HCRTR2: variants seen among roughly 807,000 people sequenced by gnomAD.
The protein encoded by HCRTR2 is hypocretin receptor 2.
HCRTR2 carries 22 observed loss-of-function variants against 49.0 expected under a neutral mutation model. The ratio of observed to expected loss-of-function variants is 0.45; its 90% CI spans 0.32 to 0.64. The LOEUF (loss-of-function observed/expected upper bound fraction) is 0.64, where lower values mean the gene tolerates loss of function less well. Ranked by LOEUF, HCRTR2 falls within the 30% of genes least tolerant of loss-of-function variation. HCRTR2 has a pLI of 0.04. For missense variants in HCRTR2, 491 were observed against 559.4 expected (o/e 0.88, Z 1.23); for synonymous variants, 236 against 205.3 (o/e 1.15, Z -1.28).
intron 1 of HCRTR2, among the ~76,000 whole-genome samples, chr6:55,113,426 T>G (rs1764076858): frequency 6.6e-6 from 1 of 151,544 alleles, no homozygotes. Context: ...CTCAAACAAA[T>G]CTGCAAGAAG....
chr6:55,269,520 G>T (rs1196528547), intron 4 of HCRTR2, among the ~76,000 whole-genome samples: 2 of 151,940 alleles, frequency 1.3e-5, no homozygotes, highest in African/African-American at 4.8e-5. Flanking sequence ...TAGTTTTCAG[G>T]ATGAAAGATT....
chr6:55,189,954 G>A (rs3134689), intron 1 of HCRTR2, among the ~76,000 whole-genome samples: 112,036 of 152,056 alleles, frequency 0.74, 41,659 homozygotes, highest in Non-Finnish European at 0.79. Flanking sequence ...GAGTACCCAC[G>A]TGCAGTTGTC....
At chr6:55,238,186 A>G (rs887066989) in intron 1 of HCRTR2, among the ~76,000 whole-genome samples, 1 of 152,140 alleles carries the variant, frequency 6.6e-6, no homozygotes, top group Non-Finnish European at 1.5e-5. Flanking sequence ...TTTATCCCCT[A>G]GCTCAGTGAG....
In HCRTR2 at chr6:55,255,242, G is replaced by C; in HGVS notation, c.509G>C (p.Arg170Pro). ...TTTAAGAGCACAGCAAAGCGGGCCC[G>C]TAACAGCATTGTCATCATCTGGATT... ...LMFKSTAKRA[R>P]NSIVIIWIVS... The change falls in exon 3 of 7, where the codon CGT becomes CCT. Residue 170 changes from arginine to proline, a missense_variant. Coordinates refer to ENST00000370862, the MANE Select transcript of HCRTR2 (RefSeq NM_001384272.1). The C allele has an allele frequency of 1.9e-6, 3 of 1,613,952 alleles. No individual in the cohort carries two copies. The highest frequency in any genetic ancestry group is 2.5e-6 in the Non-Finnish European group (3 of 1,179,956).
At chr6:55,119,270 T>G (rs577278584) in intron 1 of HCRTR2, among the ~76,000 whole-genome samples, 321 of 150,638 alleles carry the variant, frequency 2.1e-3, no homozygotes, top group Admixed American at 3.5e-3. Context: ...GTCTTTATAG[T>G]AGAACAATTT....
rs1767095815 is a variant in HCRTR2 at position 55,277,366 on chromosome 6, T to C, written c.763-14T>C. Reference sequence around the variant, plus strand: ...AGTCAAATTGCAATAAGGGTCTGTCTCTTCTCCTTTCAGATCCCTGGAACA... The same window carrying C: ...AGTCAAATTGCAATAAGGGTCTGTCCCTTCTCCTTTCAGATCCCTGGAACA... On this transcript the variant is annotated splice_polypyrimidine_tract_variant and intron_variant, in intron 4 of 6. Transcript: ENST00000370862. 6.2e-7 allele frequency: 1 copy of C among 1,603,952 alleles called. No individual in the cohort carries two copies.
At chr6:55,216,215 A>G (rs1765783731) in intron 1 of HCRTR2, among the ~76,000 whole-genome samples, 1 of 152,224 alleles carries the variant, frequency 6.6e-6, no homozygotes, top group Non-Finnish European at 1.5e-5. Flanking sequence ...CTGTTACATT[A>G]GTATTAAGTT....
intron 1 of HCRTR2, among the ~76,000 whole-genome samples, chr6:55,116,511 G>A (rs1486857303): frequency 1.3e-5 from 2 of 149,550 alleles, no homozygotes; most frequent in Non-Finnish European, 3.0e-5. Context: ...GGAGAAGAAA[G>A]GAAAGAGGGA....
intron 1 of HCRTR2, among the ~76,000 whole-genome samples, chr6:55,243,860 T>C (rs924662923): frequency 6.6e-6 from 1 of 152,116 alleles, no homozygotes; most frequent in African/African-American, 2.4e-5. Context: ...CAACATGTGA[T>C]TGGGTATCAA....
intron 3 of HCRTR2, among the ~76,000 whole-genome samples, chr6:55,261,849 T>A (rs1766763099): frequency 6.6e-6 from 1 of 152,040 alleles, no homozygotes; most frequent in Non-Finnish European, 1.5e-5. Context: ...GCAGCACAAT[T>A]CGCAAATGGA....
rs113427128 is a variant in HCRTR2 at position 55,235,092 on chromosome 6, A to G, written c.224-13547A>G. 1.5e-3 allele frequency among the ~76,000 whole-genome samples: 234 copies of G among 152,332 alleles called. 3 individuals carry two copies. Among genetic ancestry groups the G allele is most frequent in the African/African-American group, 5.4e-3 (224 of 41,584 alleles). ...GACACAAAATAACACATAAATGTTG[A>G]TTCCACATAGATAAAGTTAAAAACA... On this transcript the variant is annotated intron_variant, in intron 1 of 6. Transcript: ENST00000370862.
chr6:55,278,601 T>C (rs1767124964), intron 5 of HCRTR2, among the ~76,000 whole-genome samples: 1 of 152,142 alleles, frequency 6.6e-6, no homozygotes, highest in Admixed American at 6.6e-5. Context: ...TGATACTATT[T>C]ACTACAGTCA....
At chr6:55,143,186 G>A (rs963092562) in intron 1 of HCRTR2, among the ~76,000 whole-genome samples, 5 of 151,130 alleles carry the variant, frequency 3.3e-5, no homozygotes, top group Non-Finnish European at 7.4e-5. Flanking sequence ...ATTAAATAAT[G>A]TCCTGGATAC....
intron 1 of HCRTR2, among the ~76,000 whole-genome samples, chr6:55,158,275 A>C (rs1344291525): frequency 6.6e-6 from 1 of 152,194 alleles, no homozygotes; most frequent in African/African-American, 2.4e-5. Flanking sequence ...ATTCTGGTCC[A>C]GATACTATGC....
At chr6:55,163,399 A>G (rs1764834217) in intron 1 of HCRTR2, among the ~76,000 whole-genome samples, 2 of 152,164 alleles carry the variant, frequency 1.3e-5, no homozygotes, top group Admixed American at 1.3e-4. Context: ...CAGTAACCAA[A>G]ACAGCATGGT....
chr6:55,151,344 TAA>T lies in HCRTR2; in HGVS notation c.-377-22866_-377-22865del, dbSNP rs370355838. Among the ~76,000 whole-genome samples, 662 of 152,192 alleles carry T rather than the reference TAA, an allele frequency of 4.3e-3. 6 individuals are homozygous for T. The highest frequency in any genetic ancestry group is 0.015 in the African/African-American group (614 of 41,566). On this transcript the variant is annotated intron_variant, in intron 1 of 7. Coordinates refer to the HCRTR2 transcript ENST00000615358. ...TTAAGTCTGCCACTGCTTTATCAAC[TAA>T]GTTTGTGTAATAATCTAAATCCTTT...
chr6:55,174,810 G>A lies in HCRTR2; in HGVS notation c.223G>A (p.Val75Ile), dbSNP rs1415764633. Residue 75 changes from valine (V) to isoleucine (I), a missense_variant and splice_region_variant, in exon 1 of 7, where the codon GTT (valine) becomes ATT (isoleucine). Transcript: ENST00000370862. ...CGTGGCTCTCATTGGGAACGTCCTG[G>A]GTGAGTCTCCTCCCGGGCAGCCCTC... ...FVVALIGNVL[V>I]CVAVWKNHHM... 6.2e-7 allele frequency: 1 copy of A among 1,613,508 alleles called. No individual in the cohort carries two copies. The highest frequency in any genetic ancestry group is 8.5e-7 in the Non-Finnish European group (1 of 1,179,708).
intron 1 of HCRTR2, among the ~76,000 whole-genome samples, chr6:55,143,855 T>C (rs1764542574): frequency 6.6e-6 from 1 of 152,186 alleles, no homozygotes; most frequent in Non-Finnish European, 1.5e-5. Context: ...ACTGCAGCTT[T>C]TCTATGATAT....
chr6:55,258,919 T>C (rs569905413), intron 3 of HCRTR2, among the ~76,000 whole-genome samples: 104 of 152,068 alleles, frequency 6.8e-4, no homozygotes, highest in Non-Finnish European at 1.2e-3. Flanking sequence ...GGCATGGTGG[T>C]GGGCGCCTGT....
Sources: allele counts gnomAD v4.1 joint callset (sites outside exome capture counted in the v4.1 genomes callset), GRCh38; gene constraint gnomAD v4.1.1; transcripts MANE v1.5; gene names NCBI Gene and HGNC (gene_info 2026-07-23, HGNC 2026-07-21).